The following PDZRN3 variants were observed in gnomAD, a reference collection of about 807,000 sequenced individuals.
The protein encoded by PDZRN3 is E3 ubiquitin-protein ligase PDZRN3.
PDZRN3 carries 38 observed loss-of-function variants against 85.7 expected under a neutral mutation model. The ratio of observed to expected loss-of-function variants is 0.44; its 90% CI spans 0.34 to 0.58. The LOEUF (loss-of-function observed/expected upper bound fraction) is 0.58. Among genes scored for constraint, PDZRN3 ranks in the 20% least tolerant of loss-of-function variants. The pLI, the probability that PDZRN3 is intolerant of heterozygous loss-of-function variation, is 0.01. For synonymous variants in PDZRN3, 759 were observed against 638.0 expected, an observed-to-expected ratio of 1.19 and a Z score of -2.86; for missense variants, 1,629 against 1,506.4, an observed-to-expected ratio of 1.08 and a Z score of -1.35.
At chr3:73,512,295 C>T (rs1464514450) in intron 3 of PDZRN3, among the ~76,000 whole-genome samples, 3 of 152,210 alleles carry the variant, frequency 2.0e-5, no homozygotes, top group Non-Finnish European at 2.9e-5. Context: ...CCACTAGGAA[C>T]GCACTTTACA....
intron 3 of PDZRN3, among the ~76,000 whole-genome samples, chr3:73,437,459 T>C (rs1283118381): frequency 6.6e-6 from 1 of 152,120 alleles, no homozygotes; most frequent in Non-Finnish European, 1.5e-5. Context: ...ACCTCACAGA[T>C]CCCCAGAAAC....
intron 3 of PDZRN3, among the ~76,000 whole-genome samples, chr3:73,540,881 C>T (rs1183721895): frequency 6.6e-6 from 1 of 152,134 alleles, no homozygotes; most frequent in African/African-American, 2.4e-5. Flanking sequence ...GATATAAACA[C>T]TTACATTTAT....
At chr3:73,564,299 C>T (rs1295803965) in intron 3 of PDZRN3, among the ~76,000 whole-genome samples, 1 of 152,178 alleles carries the variant, frequency 6.6e-6, no homozygotes, top group Non-Finnish European at 1.5e-5. Context: ...GTTCTCTGCC[C>T]TCCCTACCCT....
At chr3:73,537,109 C>T (rs1704805445) in intron 3 of PDZRN3, among the ~76,000 whole-genome samples, 1 of 152,098 alleles carries the variant, frequency 6.6e-6, no homozygotes, top group East Asian at 1.9e-4. Context: ...TTGCAGTTGG[C>T]TGGGGGTCAG....
intron 2 of PDZRN3, among the ~76,000 whole-genome samples, chr3:73,605,631 T>G (rs1419008421): frequency 6.6e-6 from 1 of 152,258 alleles, no homozygotes; most frequent in Non-Finnish European, 1.5e-5. Flanking sequence ...TCATTTGTAC[T>G]GTATTCTTCT....
At chr3:73,515,233 T>C (rs1307474195) in intron 3 of PDZRN3, among the ~76,000 whole-genome samples, 7 of 139,336 alleles carry the variant, frequency 5.0e-5, no homozygotes, top group Admixed American at 8.1e-5. Flanking sequence ...TGGAATGCAG[T>C]GGCGCGATCT....
chr3:73,416,874 T>G lies in PDZRN3; in HGVS notation c.919-12479A>C, dbSNP rs1201363626. ...GGTTTTTTTTTTGTTTGTTTTTTTT[T>G]GGTTTTTTTTTTTTTTTTTTTTTTT... On this transcript the variant is annotated intron_variant, in intron 3 of 9. Coordinates refer to ENST00000263666, the MANE Select transcript of PDZRN3 (RefSeq NM_015009.3). 4.0e-4 allele frequency among the ~76,000 whole-genome samples: 28 copies of G among 69,398 alleles called. No homozygotes were observed. The East Asian group carries it at 6.1e-3, about 15-fold the overall frequency. The allele number at this position is 69,398 out of a possible 152,430, so 45.5% of individuals were successfully genotyped here.
rs541121710 is a variant in PDZRN3, at chr3:73,554,684, A to T, written c.918+47670T>A. Among the ~76,000 whole-genome samples the T allele has an allele frequency of 1.6e-4, 25 of 152,322 alleles. No individual in the cohort carries two copies. In the South Asian group the frequency reaches 3.5e-3, roughly 21 times the overall value. ...GACATAAAGGTAAGAGAAAAAAAATAAGCCAAATTCCACAATTTTCATCCA... is the reference window on the plus strand; with the variant it reads ...GACATAAAGGTAAGAGAAAAAAAATTAGCCAAATTCCACAATTTTCATCCA... On this transcript the variant is annotated intron_variant, in intron 3 of 9. Coordinates refer to ENST00000263666, the MANE Select transcript of PDZRN3 (RefSeq NM_015009.3).
intron 3 of PDZRN3, among the ~76,000 whole-genome samples, chr3:73,591,405 A>T (rs1209388830): frequency 1.3e-5 from 2 of 152,246 alleles, no homozygotes; most frequent in African/African-American, 4.8e-5. Context: ...TGATTGATCA[A>T]TTATTCTGAT....
In PDZRN3 at chr3:73,472,522, T is replaced by C. The variant is rs1016838344; in HGVS notation, c.919-68127A>G. On this transcript the variant is annotated intron_variant, in intron 3 of 9. Transcript: ENST00000263666. ...CCCTCAACACATATGGCTGAGACAA[T>C]GCAAACATCATTTGGAAGATGAGTA... Among the ~76,000 whole-genome samples the C allele has an allele frequency of 5.9e-5, 9 of 152,194 alleles. 1 individual carries two copies. The highest frequency in any genetic ancestry group is 6.3e-3 in the Middle Eastern group (2 of 316).
intron 3 of PDZRN3, among the ~76,000 whole-genome samples, chr3:73,541,555 C>CA (rs1314414143): frequency 1.3e-5 from 2 of 152,232 alleles, no homozygotes; most frequent in Admixed American, 1.3e-4. Context: ...TTTAAGGCTG[C>CA]AAGCTCTGAA....
In PDZRN3 at chr3:73,518,646, A is replaced by T. The variant is rs563811411; in HGVS notation, c.918+83708T>A. On this transcript the variant is annotated intron_variant, in intron 3 of 9. Transcript: ENST00000263666. The stretch of plus-strand genomic sequence containing the variant: ...TTATAAACAACAGACATTTATTTTC[A>T]TAGTTCCAGAGGCTGAGAACTCCAA... 5.9e-5 allele frequency among the ~76,000 whole-genome samples: 9 copies of T among 152,312 alleles called. No individual in the cohort carries two copies. The East Asian group carries it at 1.5e-3, about 26-fold the overall frequency.
At chr3:73,517,013 C>A (rs1704268297) in intron 3 of PDZRN3, among the ~76,000 whole-genome samples, 1 of 152,150 alleles carries the variant, frequency 6.6e-6, no homozygotes, top group Non-Finnish European at 1.5e-5. Context: ...TCCCAGTAAC[C>A]CAAATTCCAT....
At chr3:73,407,639 G>C (rs1367366812) in intron 3 of PDZRN3, among the ~76,000 whole-genome samples, 2 of 152,140 alleles carry the variant, frequency 1.3e-5, no homozygotes, top group African/African-American at 2.4e-5. Flanking sequence ...TTACATCTTA[G>C]TTCATTTTTA....
intron 3 of PDZRN3, among the ~76,000 whole-genome samples, chr3:73,548,402 T>A (rs548590740): frequency 1.4e-4 from 21 of 152,328 alleles, no homozygotes; most frequent in Admixed American, 8.5e-4. Flanking sequence ...AGGCAGCATG[T>A]CCCTGAGAGG....
At chr3:73,434,984 T>C (rs547504633) in intron 3 of PDZRN3, among the ~76,000 whole-genome samples, 20 of 152,340 alleles carry the variant, frequency 1.3e-4, no homozygotes, top group African/African-American at 4.8e-4. Context: ...AAATGGTCGA[T>C]GTTTAAAATT....
At chr3:73,488,910 T>C (rs59206640) in intron 3 of PDZRN3, among the ~76,000 whole-genome samples, 2,253 of 152,300 alleles carry the variant, frequency 0.015, 40 homozygotes, top group African/African-American at 0.048. Context: ...TGGTGGGGCC[T>C]GGGAGAGGCG....
intron 1 of PDZRN3, among the ~76,000 whole-genome samples, chr3:73,623,038 A>G (rs1702892199): frequency 6.6e-6 from 1 of 152,174 alleles, no homozygotes; most frequent in South Asian, 2.1e-4. Context: ...GAAGGGTCAC[A>G]CCAACCTCAC....
At chr3:73,454,941 A>G (rs1702949059) in intron 3 of PDZRN3, among the ~76,000 whole-genome samples, 1 of 151,788 alleles carries the variant, frequency 6.6e-6, no homozygotes, top group Non-Finnish European at 1.5e-5. Context: ...TATCATCTGT[A>G]AGAAATGTCT....
Sources: allele counts gnomAD v4.1 joint callset (sites outside exome capture counted in the v4.1 genomes callset), GRCh38; gene constraint gnomAD v4.1.1; transcripts MANE v1.5; gene names NCBI Gene and HGNC (gene_info 2026-07-23, HGNC 2026-07-21).